Variants in MGAM observed in about 807,000 individuals in gnomAD.
MGAM encodes the protein alpha-1,4-glucosidase.
MGAM carries 253 observed loss-of-function variants against 358.8 expected under a neutral mutation model. The observed-to-expected ratio is 0.71, with a 90% CI of 0.64 to 0.78. The LOEUF is 0.78. MGAM is among the 30% of genes least tolerant of loss of function. The pLI is 0.00. For missense variants in MGAM, 3,080 were observed against 3,432.6 expected (o/e 0.90, Z 2.57); for synonymous variants, 1,105 against 1,227.1 (o/e 0.90, Z 2.08).
intron 1 of MGAM, among the ~76,000 whole-genome samples, chr7:142,003,742 A>G (rs1285942): frequency 0.48 from 73,099 of 151,764 alleles, 18,048 homozygotes; most frequent in East Asian, 0.67. Context: ...GTAAAAAAAT[A>G]AAATAGAGTA....
At chr7:142,000,145 A>C (rs989276907) in intron 1 of MGAM, among the ~76,000 whole-genome samples, 3 of 152,202 alleles carry the variant, frequency 2.0e-5, no homozygotes, top group African/African-American at 7.2e-5. Flanking sequence ...AACAACAAAC[A>C]TTTATTATCT....
At chr7:142,058,379 T>A in intron 31 of MGAM, 51 bp downstream of exon 31, 2 of 1,608,682 alleles carry the variant, frequency 1.2e-6, no homozygotes, top group East Asian at 2.2e-5. Context: ...CAGGTGCCTC[T>A]GTGTCTGGGT....
At chr7:141,997,571 C>T (rs1255471804) in intron 1 of MGAM, among the ~76,000 whole-genome samples, 1 of 152,080 alleles carries the variant, frequency 6.6e-6, no homozygotes, top group Non-Finnish European at 1.5e-5. Flanking sequence ...GTTCAGGTGG[C>T]AGCTGTGGAA....
intron 3 of MGAM, among the ~76,000 whole-genome samples, chr7:142,012,791 C>T (rs1400296679): frequency 1.3e-5 from 2 of 152,224 alleles, no homozygotes; most frequent in East Asian, 3.9e-4. Context: ...GATGACTTTA[C>T]TCACATACCT....
Position 142,106,595 on chromosome 7 carries a change from C to T in MGAM, c.*704C>T, listed in dbSNP as rs1816875333. The T allele has an allele frequency of 6.6e-6, 1 of 152,110 alleles. No individual in the cohort carries two copies. Among genetic ancestry groups the T allele is most frequent in the Non-Finnish European group, 1.5e-5 (1 of 68,020 alleles). 9.4% of individuals were successfully genotyped at this position (152,110 alleles called of 1,614,324 possible). A position where few individuals can be genotyped will look rare whatever the true frequency, so the allele number is the denominator to read the frequency against. Reference sequence around the variant, plus strand: ...GATTGAGATCTGAGCAGGCAAAGCTCAAAAGAGAGTTTGGAGGTTAAAAAT... The same window carrying T: ...GATTGAGATCTGAGCAGGCAAAGCTTAAAAGAGAGTTTGGAGGTTAAAAAT... On this transcript the variant is annotated 3_prime_UTR_variant, in exon 71 of 71. Coordinates refer to ENST00000475668, the MANE Select transcript of MGAM (RefSeq NM_001365693.1).
intron 50 of MGAM, among the ~76,000 whole-genome samples, chr7:142,081,560 A>T (rs1814290275): frequency 6.9e-6 from 1 of 145,916 alleles, no homozygotes. Context: ...GGAGGAAGTA[A>T]GCAGGTGAGT....
intron 19 of MGAM, 95 bp from the exon 20 acceptor site, chr7:142,040,020 C>G: frequency 1.1e-6 from 1 of 939,544 alleles, no homozygotes. Flanking sequence ...GCAGGGCATT[C>G]CTGCCCTCTC....
rs753091863 is a variant in MGAM, at chr7:142,071,056, T to A, written c.5124T>A (p.Asn1708Lys). The A allele has an allele frequency of 1.3e-6, 2 of 1,556,492 alleles. No homozygotes were observed. Among genetic ancestry groups the A allele is most frequent in the Non-Finnish European group, 1.8e-6 (2 of 1,132,674 alleles). ...KTLPAPLDHI[N>K]LHVRGGYILP... ...TGCCAGCCCCTCTTGACCACATTAA[T>A]CTTCATGTCCGTGGGGGCTACATCC... Residue 1708 changes from asparagine (N) to lysine (K), a missense_variant, in exon 44 of 71, where the codon AAT becomes AAA. Transcript: ENST00000475668.
In MGAM at chr7:142,102,578, A is replaced by G. The variant is rs79242059; in HGVS notation, c.7964-52A>G. The stretch of plus-strand genomic sequence containing the variant: ...ACAGCATTTATATATTCTATAGCAT[A>G]GAGTTCTACAGCACAGGTCCAGGCC... On this transcript the variant is annotated intron_variant, in intron 68 of 70. Transcript: ENST00000475668. 5,521 of 1,524,596 alleles carry G rather than the reference A, an allele frequency of 3.6e-3. 144 individuals carry two copies. The African/African-American group carries it at 0.064, about 18-fold the overall frequency. 94.4% of individuals were successfully genotyped at this position (1,524,596 alleles called of 1,614,324 possible).
At position 142,042,144 on chromosome 7, in the gene MGAM, C is replaced by T. The variant is rs867178928; in HGVS notation, c.2498+1298C>T. ...TAATATATATACATATAATATATAA[C>T]ATATAATATATATACATATAATATA... On this transcript the variant is annotated intron_variant, in intron 21 of 70. Transcript: ENST00000475668. 2.2e-3 allele frequency among the ~76,000 whole-genome samples: 93 copies of T among 41,488 alleles called. 4 individuals carry two copies. The highest frequency in any genetic ancestry group is 8.0e-3 in the African/African-American group (76 of 9,522). 27.2% of individuals were successfully genotyped at this position (41,488 alleles called of 152,430 possible). A position where few individuals can be genotyped will look rare whatever the true frequency, so the allele number is the denominator to read the frequency against.
chr7:142,059,758 A>G (rs1270350393), intron 32 of MGAM, 98 bp from the exon 33 acceptor site: 3 of 1,569,930 alleles, frequency 1.9e-6, no homozygotes, highest in African/African-American at 1.3e-5. Flanking sequence ...CTGTGCAGGT[A>G]GAAGCCAGCG....
At chr7:141,995,431 T>A (rs1804154312), upstream of MGAM, among the ~76,000 whole-genome samples, 1 of 152,234 alleles carries the variant, frequency 6.6e-6, no homozygotes, top group East Asian at 1.9e-4. Context: ...AGAAGAAAAC[T>A]ATTTTTAAAA....
In MGAM at chr7:142,070,761, A is replaced by G. The variant is rs187039266; in HGVS notation, c.5062-233A>G. On this transcript the variant is annotated intron_variant, in intron 43 of 70. Coordinates refer to ENST00000475668, the MANE Select transcript of MGAM (RefSeq NM_001365693.1). Reference sequence around the variant, plus strand: ...AGTTCTTCCTGTTACACATCAGGCAAATGTAGTTTGTATGGTGGAAGCAAA... The same window carrying G: ...AGTTCTTCCTGTTACACATCAGGCAGATGTAGTTTGTATGGTGGAAGCAAA... Among the ~76,000 whole-genome samples the G allele has an allele frequency of 2.7e-5, 4 of 146,304 alleles. 1 individual carries two copies. The East Asian group carries it at 6.1e-4, about 22-fold the overall frequency.
At chr7:142,023,228 A>G (rs115716624) in intron 7 of MGAM, among the ~76,000 whole-genome samples, 5 of 151,682 alleles carry the variant, frequency 3.3e-5, no homozygotes, top group African/African-American at 9.7e-5. Context: ...GCCTGGCCAA[A>G]TTTTTGTATT....
At chr7:142,084,846 T>G (rs79619113) in intron 54 of MGAM, among the ~76,000 whole-genome samples, 7,385 of 146,710 alleles carry the variant, frequency 0.05, 811 homozygotes, top group African/African-American at 0.16. Context: ...CAAGACTTAC[T>G]GTGATTTCCC....
At position 142,094,249 on chromosome 7, in the gene MGAM, TC is replaced by T. The variant is rs757509858; in HGVS notation, c.7173-112del. 65 of 1,262,136 alleles carry T rather than the reference TC, an allele frequency of 5.1e-5. 6 individuals carry two copies. The highest frequency in any genetic ancestry group is 6.8e-5 in the Non-Finnish European group (62 of 907,788). 78.2% of individuals were successfully genotyped at this position (1,262,136 alleles called of 1,614,324 possible). On this transcript the variant is annotated intron_variant, in intron 60 of 70. Coordinates refer to ENST00000475668, the MANE Select transcript of MGAM (RefSeq NM_001365693.1). The stretch of plus-strand genomic sequence containing the variant: ...CCCATTACAGCTCAGAGTCCCGTGT[TC>T]CCTCCAATCACGCAGCAAACATTGA...
chr7:142,011,535 G>A (rs1403911196), intron 3 of MGAM, among the ~76,000 whole-genome samples: 1 of 152,140 alleles, frequency 6.6e-6, no homozygotes, highest in African/African-American at 2.4e-5. Context: ...TCAAGTGAAA[G>A]GATGTAAGGG....
At chr7:142,095,285 T>C (rs1182137976) in intron 63 of MGAM, among the ~76,000 whole-genome samples, 1 of 152,256 alleles carries the variant, frequency 6.6e-6, no homozygotes, top group Non-Finnish European at 1.5e-5. Context: ...GCCATATTCC[T>C]CAGTGTTCTT....
At position 142,075,034 on chromosome 7, in the gene MGAM, T is replaced by C. The variant is rs1162040007; in HGVS notation, c.5275+861T>C. Among the ~76,000 whole-genome samples the C allele has an allele frequency of 2.1e-5, 3 of 146,268 alleles. 1 individual carries two copies. Among genetic ancestry groups the C allele is most frequent in the Non-Finnish European group, 3.1e-5 (2 of 64,572 alleles). On this transcript the variant is annotated intron_variant, in intron 45 of 70. Coordinates refer to ENST00000475668, the MANE Select transcript of MGAM (RefSeq NM_001365693.1). The stretch of plus-strand genomic sequence containing the variant: ...TTCTGCAGGCTCTAAGAACAACTGT[T>C]GTAGGCTCTGCTTCTAAGAGATGAA...
Sources: gnomAD v4.1 joint callset for allele counts (sites outside exome capture counted in the v4.1 genomes callset) on GRCh38, gnomAD v4.1.1 for gene constraint, MANE v1.5 for transcripts, NCBI Gene and HGNC (gene_info 2026-07-23, HGNC 2026-07-21) for gene names.